CSMD3: variants seen among roughly 807,000 people sequenced by gnomAD.
The protein encoded by CSMD3 is CUB and sushi domain-containing protein 3.
Under a neutral mutation model 435.2 loss-of-function variants are expected in CSMD3, and 177 were observed. The observed-to-expected ratio is 0.41, with a 90% CI of 0.36 to 0.46. The LOEUF is 0.46. Ranked by LOEUF, CSMD3 falls within the 20% of genes least tolerant of loss-of-function variation. The pLI, the probability that CSMD3 is intolerant of heterozygous loss-of-function variation, is 0.34. For synonymous variants in CSMD3, 1,656 were observed against 1,520.5 expected, an observed-to-expected ratio of 1.09 and a Z score of -2.07; for missense variants, 4,265 against 4,504.6, an observed-to-expected ratio of 0.95 and a Z score of 1.52.
rs545150848 is a variant in CSMD3, at chr8:112,296,002, A to G, written c.8445T>C (p.Gly2815=). The G allele has an allele frequency of 5.4e-5, 87 of 1,611,016 alleles. No individual in the cohort carries two copies. In the East Asian group the frequency reaches 1.7e-3, roughly 31 times the overall value. The change falls in exon 54 of 71, where the codon GGT becomes GGC. Residue 2815 remains glycine (G), a synonymous_variant. Transcript: ENST00000297405. ...WSESETRCLA[G]HCGIPELIVN... is the part of the protein sequence containing the mutation. ...CAATCAGTTCTGGAATTCCACAATG[A>G]CCCGCTGAAATACGTTATAAAGTAA...
At chr8:112,923,892 C>A (rs539199545) in intron 9 of CSMD3, among the ~76,000 whole-genome samples, 1 of 152,222 alleles carries the variant, frequency 6.6e-6, no homozygotes, top group East Asian at 1.9e-4. Flanking sequence ...GAAAAATATT[C>A]TCTGTCAGGA....
intron 9 of CSMD3, among the ~76,000 whole-genome samples, chr8:112,929,389 T>TA (rs61498134): frequency 7.4e-5 from 11 of 148,488 alleles, no homozygotes; most frequent in African/African-American, 1.7e-4. Context: ...AAAAAAAAAT[T>TA]AAAAAAAAAA....
At chr8:112,949,417 T>C (rs1307256883) in intron 8 of CSMD3, among the ~76,000 whole-genome samples, 1 of 152,050 alleles carries the variant, frequency 6.6e-6, no homozygotes, top group Non-Finnish European at 1.5e-5. Context: ...CTAGGTTTTT[T>C]GGCCACTCTT....
intron 10 of CSMD3, among the ~76,000 whole-genome samples, chr8:112,913,989 T>A (rs2082504559): frequency 6.6e-6 from 1 of 152,044 alleles, no homozygotes; most frequent in South Asian, 2.1e-4. Context: ...AGCCCATTGA[T>A]CTCTTTGAGG....
Position 112,311,018 on chromosome 8 carries a change from A to G in CSMD3, c.7845T>C (p.Tyr2615=), listed in dbSNP as rs576937198. 89 of 1,614,050 alleles carry G rather than the reference A, an allele frequency of 5.5e-5. No homozygotes were observed. The South Asian group carries it at 9.1e-4, about 17-fold the overall frequency. Reference sequence around the variant, plus strand: ...CTGGCGCATCCCATGCATGATACCCATAGGAAGACTTTCTGCACACAGCAC... The same window carrying G: ...CTGGCGCATCCCATGCATGATACCCGTAGGAAGACTTTCTGCACACAGCAC... ...KSSAVCRKSS[Y]GYHAWDAPVP... Residue 2615 remains tyrosine, a synonymous_variant, in exon 50 of 71, where the codon TAT becomes TAC. Transcript: ENST00000297405.
intron 45 of CSMD3, among the ~76,000 whole-genome samples, chr8:112,329,904 T>C (rs1197667193): frequency 6.6e-6 from 1 of 151,938 alleles, no homozygotes; most frequent in Non-Finnish European, 1.5e-5. Context: ...CATTGTTTCA[T>C]TTTATACACA....
At chr8:112,543,587 C>A (rs1826881522) in intron 27 of CSMD3, among the ~76,000 whole-genome samples, 1 of 151,820 alleles carries the variant, frequency 6.6e-6, no homozygotes, top group East Asian at 1.9e-4. Context: ...AAGGTGTTGG[C>A]AAGAATATGG....
At chr8:113,075,983 A>G (rs1234994149) in intron 5 of CSMD3, among the ~76,000 whole-genome samples, 1 of 151,882 alleles carries the variant, frequency 6.6e-6, no homozygotes, top group Non-Finnish European at 1.5e-5. Context: ...TCAAGCAGTC[A>G]CAATTTCTCT....
intron 5 of CSMD3, among the ~76,000 whole-genome samples, chr8:113,027,677 A>G (rs2086925708): frequency 6.6e-6 from 1 of 152,104 alleles, no homozygotes; most frequent in African/African-American, 2.4e-5. Flanking sequence ...AAAGCAAAGG[A>G]GATAATTGGC....
chr8:113,151,158 G>C (rs992955004), intron 4 of CSMD3, among the ~76,000 whole-genome samples: 2 of 151,894 alleles, frequency 1.3e-5, no homozygotes, highest in Non-Finnish European at 2.9e-5. Context: ...TAGGTTCAAA[G>C]TTATCACATT....
intron 1 of CSMD3, among the ~76,000 whole-genome samples, chr8:113,345,747 G>C (rs963823902): frequency 2.0e-5 from 3 of 151,974 alleles, no homozygotes; most frequent in African/African-American, 7.2e-5. Flanking sequence ...ATCCCAGTGA[G>C]GTAATTCTAA....
intron 6 of CSMD3, among the ~76,000 whole-genome samples, chr8:113,010,965 C>G (rs1348507613): frequency 6.6e-6 from 1 of 151,442 alleles, no homozygotes; most frequent in Non-Finnish European, 1.5e-5. Flanking sequence ...TTTCTTTATA[C>G]TTTCCTGCTG....
chr8:113,169,359 A>G (rs974114585), intron 4 of CSMD3, among the ~76,000 whole-genome samples: 2 of 152,094 alleles, frequency 1.3e-5, no homozygotes, highest in African/African-American at 4.8e-5. Flanking sequence ...CTACATCACT[A>G]ACATCCAAGC....
chr8:113,190,230 T>C (rs1046894285), intron 3 of CSMD3, among the ~76,000 whole-genome samples: 1 of 151,764 alleles, frequency 6.6e-6, no homozygotes. Context: ...TATATACTCC[T>C]TTTCTCACAG....
At chr8:112,673,803 T>C (rs973764694) in intron 16 of CSMD3, among the ~76,000 whole-genome samples, 3 of 152,114 alleles carry the variant, frequency 2.0e-5, no homozygotes, top group Admixed American at 1.3e-4. Flanking sequence ...AGAATTCTCT[T>C]AGATATCCCA....
chr8:112,492,898 A>G (rs1284308048), intron 30 of CSMD3, among the ~76,000 whole-genome samples: 1 of 77,694 alleles, frequency 1.3e-5, no homozygotes, highest in Non-Finnish European at 2.5e-5. Flanking sequence ...CATATCCTGT[A>G]TTATTAGTAA....
chr8:112,800,282 G>A lies in CSMD3; in HGVS notation c.1860-8C>T, dbSNP rs2132330510. On this transcript the variant is annotated splice_region_variant and splice_polypyrimidine_tract_variant and intron_variant, in intron 12 of 70. Transcript: ENST00000297405. ...ACAAAGCTTCCAGTCAGCCTAAAAA[G>A]AGATGGACAAAGAAGGGAGAGATGG... 4.5e-6 allele frequency: 7 copies of A among 1,571,954 alleles called. No homozygotes were observed. Among genetic ancestry groups the A allele is most frequent in the Non-Finnish European group, 1.8e-6 (2 of 1,142,044 alleles).
chr8:113,147,767 C>G (rs2091710787), intron 4 of CSMD3, among the ~76,000 whole-genome samples: 1 of 151,610 alleles, frequency 6.6e-6, no homozygotes, highest in African/African-American at 2.4e-5. Context: ...GGTCCATTTA[C>G]CCCCACTTGT....
chr8:112,535,239 T>A (rs1825951254), intron 27 of CSMD3, among the ~76,000 whole-genome samples: 1 of 151,988 alleles, frequency 6.6e-6, no homozygotes, highest in Admixed American at 6.6e-5. Context: ...TTGTCCCTGT[T>A]TGCAGATGAC....
Sources: allele counts gnomAD v4.1 joint callset (sites outside exome capture counted in the v4.1 genomes callset), GRCh38; gene constraint gnomAD v4.1.1; transcripts MANE v1.5; gene names NCBI Gene and HGNC (gene_info 2026-07-23, HGNC 2026-07-21).